Variants in SHFL observed in about 807,000 individuals in gnomAD.
The protein encoded by SHFL is shiftless antiviral inhibitor of ribosomal frameshifting protein.
SHFL carries 12 observed loss-of-function variants against 34.7 expected under a neutral mutation model. The observed-to-expected ratio is 0.35, with a 90% CI of 0.22 to 0.56. The LOEUF is 0.56. SHFL is among the 20% of genes least tolerant of loss of function. SHFL has a pLI of 0.88. For synonymous variants in SHFL, 148 were observed against 156.0 expected (o/e 0.95, Z 0.38); for missense variants, 278 against 411.1 (o/e 0.68, Z 2.80).
intron 3 of SHFL, chr19:10,087,998 C>A (rs1189673849): frequency 6.6e-6 from 1 of 152,306 alleles, no homozygotes; most frequent in African/African-American, 2.4e-5. Flanking sequence ...CGGTGGCTCA[C>A]GCCTGCAATC....
chr19:10,092,191 G>C lies in SHFL; in HGVS notation c.765G>C (p.Leu255Phe). The change falls in exon 8 of 8, where the codon TTG (leucine) becomes TTC (phenylalanine). Residue 255 changes from leucine (L) to phenylalanine (F), a missense_variant. Physicochemically the swap from Leu to Phe is conservative, Grantham distance 22. Transcript: ENST00000253110. Reference sequence around the variant, plus strand: ...GTGGCTCCACTGTGGCCACCTGCTTGAGCCAGGGTGGCCTCCTGGAAGACC... The same window carrying C: ...GTGGCTCCACTGTGGCCACCTGCTTCAGCCAGGGTGGCCTCCTGGAAGACC... Reference protein sequence around the residue: ...ISSGSTVATCLSQGGLLEDLD... With the variant: ...ISSGSTVATCFSQGGLLEDLD... 1 of 1,613,694 alleles carries C rather than the reference G, an allele frequency of 6.2e-7. No individual in the cohort carries two copies.
chr19:10,093,216 T>C lies in SHFL; in HGVS notation c.*914T>C. The C allele has an allele frequency of 8.0e-7, 1 of 1,248,508 alleles. No individual in the cohort carries two copies. The highest frequency in any genetic ancestry group is 1.5e-5 in the African/African-American group (1 of 66,550). 77.3% of individuals were successfully genotyped at this position (1,248,508 alleles called of 1,614,324 possible). A position where few individuals can be genotyped will look rare whatever the true frequency, so the allele number is the denominator to read the frequency against. On this transcript the variant is annotated 3_prime_UTR_variant, in exon 8 of 8. Coordinates refer to ENST00000253110, the MANE Select transcript of SHFL (RefSeq NM_018381.4). ...ATAAAAGTCCTGACCTTTGTTCTCTTGACGGAATAAAAGCTTGCTTATCCT... is the reference window on the plus strand; with the variant it reads ...ATAAAAGTCCTGACCTTTGTTCTCTCGACGGAATAAAAGCTTGCTTATCCT...
intron 3 of SHFL, chr19:10,088,044 T>TGA (rs1376575190): frequency 7.3e-6 from 1 of 137,232 alleles, no homozygotes; most frequent in Admixed American, 7.4e-5. Flanking sequence ...GCGGATCACC[T>TGA]GAGGTCGGGA....
chr19:10,087,119 T>C, intron 2 of SHFL, 67 bp downstream of exon 2: 1 of 1,590,974 alleles, frequency 6.3e-7, no homozygotes, highest in Non-Finnish European at 8.6e-7. Context: ...GGGCGTGGTC[T>C]AGGGAGAGGC....
At position 10,091,560 on chromosome 19, in the gene SHFL, G is replaced by C; in HGVS notation, c.573G>C (p.Trp191Cys). ...VYPTRILPPR[W>C]DRDPDRRSTH... ...CAACACGGATCCTCCCCCCGCGCTG[G>C]GACCGGGACCCGGATCGCCGCAGCA... is the stretch of plus-strand genomic sequence containing the variant. Residue 191 changes from tryptophan to cysteine, a missense_variant, in exon 7 of 8, where the codon TGG becomes TGC. This residue lies in a region of SHFL where 243 missense variants were observed against 386.2 expected (regional missense o/e 0.63). Coordinates refer to ENST00000253110, the MANE Select transcript of SHFL (RefSeq NM_018381.4). This position sits in a 1 kb window ranked among gnomAD's most constrained non-coding sequence, Gnocchi z 8.2. 10 of 1,551,250 alleles carry C rather than the reference G, an allele frequency of 6.4e-6. No homozygotes were observed. The highest frequency in any genetic ancestry group is 8.7e-6 in the Non-Finnish European group (10 of 1,147,086).
At position 10,092,845 on chromosome 19, in the gene SHFL, G is replaced by A; in HGVS notation, c.*543G>A. The stretch of plus-strand genomic sequence containing the variant: ...AAAGCCTCTACCTGCACCTCACAGT[G>A]CAAGGCTTTTGCCAGGCATCCCCTG... On this transcript the variant is annotated 3_prime_UTR_variant, in exon 8 of 8. Coordinates refer to ENST00000253110, the MANE Select transcript of SHFL (RefSeq NM_018381.4). The A allele has an allele frequency of 2.2e-6, 3 of 1,373,306 alleles. No individual in the cohort carries two copies. In the South Asian group the frequency reaches 4.8e-5, roughly 22 times the overall value. 85.1% of individuals were successfully genotyped at this position (1,373,306 alleles called of 1,614,324 possible).
rs751387207 is a variant in SHFL, at chr19:10,092,576, G to T, written c.*274G>T. 6.3e-7 allele frequency: 1 copy of T among 1,594,900 alleles called. No individual in the cohort carries two copies. Among genetic ancestry groups the T allele is most frequent in the Non-Finnish European group, 8.6e-7 (1 of 1,167,140 alleles). On this transcript the variant is annotated 3_prime_UTR_variant, in exon 8 of 8. Coordinates refer to ENST00000253110, the MANE Select transcript of SHFL (RefSeq NM_018381.4). ...AATGTCCTCTAGGGCCTAGGGGACA[G>T]AGGAACACAGAGTCACAGCTTCAGG...
At position 10,090,749 on chromosome 19, in the gene SHFL, A is replaced by T. The variant is rs936548427; in HGVS notation, c.385-501A>T. Among the ~76,000 whole-genome samples, 28 of 151,754 alleles carry T rather than the reference A, an allele frequency of 1.8e-4. 1 individual carries two copies. Among genetic ancestry groups the T allele is most frequent in the South Asian group, 6.2e-4 (3 of 4,806 alleles). The stretch of plus-strand genomic sequence containing the variant: ...GAGCCACTGTGCCTGGCAAAAAAAA[A>T]TTTTTTTAATTAGCTGGGAGTGGTG... On this transcript the variant is annotated intron_variant, in intron 5 of 7. Coordinates refer to ENST00000253110, the MANE Select transcript of SHFL (RefSeq NM_018381.4).
In SHFL at chr19:10,093,085, A is replaced by G. The variant is rs528562847; in HGVS notation, c.*783A>G. The G allele has an allele frequency of 2.2e-5, 11 of 507,468 alleles. No homozygotes were observed. Among genetic ancestry groups the G allele is most frequent in the Admixed American group, 3.5e-5 (1 of 28,230 alleles). 31.4% of individuals were successfully genotyped at this position (507,468 alleles called of 1,614,324 possible). A position where few individuals can be genotyped will look rare whatever the true frequency, so the allele number is the denominator to read the frequency against. ...AGAAAAGTATCTACTTCCTTTCTAG[A>G]ATAAGAGTACTAGCTCTCACCCTCT... is the stretch of plus-strand genomic sequence containing the variant. On this transcript the variant is annotated 3_prime_UTR_variant, in exon 8 of 8. Transcript: ENST00000253110.
At chr19:10,087,134 A>G (rs1223146148) in intron 2 of SHFL, 82 bp downstream of exon 2, 6 of 1,586,598 alleles carry the variant, frequency 3.8e-6, no homozygotes, top group East Asian at 2.3e-5. Context: ...AGAGGCGTTG[A>G]GATCACCTCC....
chr19:10,090,849 A>G (rs2088371159), intron 5 of SHFL, among the ~76,000 whole-genome samples: 1 of 151,800 alleles, frequency 6.6e-6, no homozygotes, highest in African/African-American at 2.4e-5. Context: ...TCGAGGCTGC[A>G]GTAAGCCATG....
intron 3 of SHFL, chr19:10,088,898 G>C (rs1236393086): frequency 6.6e-6 from 1 of 151,784 alleles, no homozygotes; most frequent in African/African-American, 2.4e-5. Context: ...AGTCAGCCAA[G>C]ATTGTGCCAT....
chr19:10,091,754 C>T lies in SHFL; in HGVS notation c.643+124C>T. 3 of 1,306,440 alleles carry T rather than the reference C, an allele frequency of 2.3e-6. No homozygotes were observed. Among genetic ancestry groups the T allele is most frequent in the Non-Finnish European group, 3.1e-6 (3 of 968,680 alleles). 80.9% of individuals were successfully genotyped at this position (1,306,440 alleles called of 1,614,324 possible). ...GCAGCCACTGCTTCCACATGGCCTC[C>T]ATGACCCCCCAGTCTCCGTGGTCTT... On this transcript the variant is annotated intron_variant, in intron 7 of 7. Coordinates refer to ENST00000253110, the MANE Select transcript of SHFL (RefSeq NM_018381.4). The surrounding 1 kb of genome is among the most constrained non-coding windows in gnomAD (Gnocchi z 8.2).
chr19:10,087,819 T>TTGAATGAA (rs61613120), intron 3 of SHFL: 2,833 of 155,342 alleles, frequency 0.018, 37 homozygotes, highest in East Asian at 0.055. Context: ...AACCCTTGTG[T>TTGAATGAA]TGAATGAATG....
chr19:10,089,868 C>T (rs369501193), intron 4 of SHFL, 30 bp from the exon 5 acceptor site: 3 of 1,605,346 alleles, frequency 1.9e-6, no homozygotes, highest in Admixed American at 1.7e-5. Flanking sequence ...GACACCCCCC[C>T]ACCTCATCCC....
rs777605015 is a variant in SHFL at position 10,091,451 on chromosome 19, C to T, written c.489-25C>T. The T allele has an allele frequency of 6.5e-7, 1 of 1,537,876 alleles. No homozygotes were observed. The highest frequency in any genetic ancestry group is 8.8e-7 in the Non-Finnish European group (1 of 1,137,278). On this transcript the variant is annotated intron_variant, in intron 6 of 7. Transcript: ENST00000253110. This position sits in a 1 kb window ranked among gnomAD's most constrained non-coding sequence, Gnocchi z 8.2. ...ACCCTGGCCCAGCCTCGCCCTCGGA[C>T]CCTCACAGCCCTGCCCGCCCCCAGG...
intron 3 of SHFL, chr19:10,089,190 C>T: frequency 2.1e-6 from 2 of 961,542 alleles, no homozygotes; most frequent in Non-Finnish European, 3.2e-6. Context: ...GGAGTCAGAG[C>T]CTGGGCTCTA....
rs1321802314 is a variant in SHFL at position 10,086,974 on chromosome 19, G to A, written c.67G>A (p.Val23Ile). The A allele has an allele frequency of 6.2e-7, 1 of 1,613,694 alleles. No individual in the cohort carries two copies. Among genetic ancestry groups the A allele is most frequent in the African/African-American group, 1.3e-5 (1 of 74,910 alleles). Residue 23 changes from valine (V) to isoleucine (I), a missense_variant, in exon 2 of 8, where the codon GTA becomes ATA. This residue lies in a region of SHFL where 243 missense variants were observed against 386.2 expected (regional missense o/e 0.63). Coordinates refer to ENST00000253110, the MANE Select transcript of SHFL (RefSeq NM_018381.4). This position sits in a 1 kb window ranked among gnomAD's most constrained non-coding sequence, Gnocchi z 5.2. ...CCTCCGGGAGAAGTTTCATGGGAAG[G>A]TATCCTCCAAGAAGGCGGGGGCTCT... is the stretch of plus-strand genomic sequence containing the variant. ...RRLREKFHGK[V>I]SSKKAGALMR...
chr19:10,091,826 TC>T lies in SHFL; in HGVS notation c.643+200del, dbSNP rs2088396025. The T allele has an allele frequency of 2.4e-5, 22 of 928,794 alleles. No individual in the cohort carries two copies. The South Asian group carries it at 3.8e-4, about 16-fold the overall frequency. 57.5% of individuals were successfully genotyped at this position (928,794 alleles called of 1,614,324 possible). A position where few individuals can be genotyped will look rare whatever the true frequency, so the allele number is the denominator to read the frequency against. On this transcript the variant is annotated intron_variant, in intron 7 of 7. Coordinates refer to ENST00000253110, the MANE Select transcript of SHFL (RefSeq NM_018381.4). The surrounding 1 kb of genome is among the most constrained non-coding windows in gnomAD (Gnocchi z 8.2). Reference sequence around the variant, plus strand: ...CACCCCAGTGGCCCGTGCCTGAGGGTCCCCATGGCCTCTGCCCCCATGGTCT... The same window carrying T: ...CACCCCAGTGGCCCGTGCCTGAGGGTCCCATGGCCTCTGCCCCCATGGTCT...
Sources: gnomAD v4.1 joint callset for allele counts (sites outside exome capture counted in the v4.1 genomes callset) on GRCh38, gnomAD v4.1.1 for gene constraint, gnomAD v4.1.1 regional missense constraint, Gnocchi (gnomAD v3.1) non-coding constraint, MANE v1.5 for transcripts, NCBI Gene and HGNC (gene_info 2026-07-23, HGNC 2026-07-21) for gene names.